Variants in RTL4 observed in about 807,000 individuals in gnomAD.
RTL4 encodes the protein retrotransposon Gag-like protein 4.
In RTL4, 4 loss-of-function variants were observed where a neutral mutation model predicts 5.3. The observed-to-expected ratio is 0.75, with a 90% CI of 0.37 to 1.72. The LOEUF (loss-of-function observed/expected upper bound fraction) is 1.72. RTL4 is among the 40% of genes most tolerant of loss of function. The pLI, the probability that RTL4 is intolerant of heterozygous loss-of-function variation, is 0.04. For synonymous variants in RTL4, 98 were observed against 87.3 expected (o/e 1.12, Z -0.68); for missense variants, 260 against 227.1 (o/e 1.14, Z -0.93).
chrX:112,117,692 A>G, the RTL4 span, among the ~76,000 whole-genome samples: 19,180 of 111,181 alleles, frequency 0.17, 2,583 homozygotes, highest in African/African-American at 0.46. Context: ...GTATTGGCAT[A>G]GGAATGGGGA....
the RTL4 span, among the ~76,000 whole-genome samples, chrX:112,086,919 G>A: frequency 8.9e-6 from 1 of 111,883 alleles, no homozygotes; most frequent in Non-Finnish European, 1.9e-5. Context: ...CTGTAATCAA[G>A]GGATAAAGCC....
the RTL4 span, among the ~76,000 whole-genome samples, chrX:112,172,972 A>T: frequency 2.2e-5 from 2 of 90,872 alleles, no homozygotes; most frequent in African/African-American, 8.2e-5. Flanking sequence ...ACATGGACAC[A>T]TGGAGGGGGA....
chrX:112,162,888 G>C, the RTL4 span, among the ~76,000 whole-genome samples: 1 of 111,732 alleles, frequency 8.9e-6, no homozygotes, highest in East Asian at 2.8e-4. Context: ...TACTATTACT[G>C]TCATACCAGA....
chrX:112,216,402 G>A, the RTL4 span, among the ~76,000 whole-genome samples: 14 of 111,741 alleles, frequency 1.3e-4, no homozygotes, highest in South Asian at 4.9e-3. Flanking sequence ...CATAGAATAC[G>A]TGTATTTTAA....
At chrX:112,381,710 A>G in the RTL4 span, 1 of 1,203,732 alleles carries the variant, frequency 8.3e-7, no homozygotes, top group Admixed American at 2.2e-5. Flanking sequence ...GTTGCAGGCA[A>G]TGAGGGACAT....
the RTL4 span, among the ~76,000 whole-genome samples, chrX:112,393,170 T>TTTTTG: frequency 1.0e-4 from 10 of 99,225 alleles, no homozygotes; most frequent in African/African-American, 4.4e-4. Flanking sequence ...TGTTTTTTTT[T>TTTTTG]TTTGTTTGTT....
At chrX:112,265,506 C>A in the RTL4 span, among the ~76,000 whole-genome samples, 1 of 112,142 alleles carries the variant, frequency 8.9e-6, no homozygotes, top group Admixed American at 9.4e-5. Context: ...CCTTTGAGAT[C>A]TTCAGGGACA....
At chrX:112,188,963 TGG>T in the RTL4 span, among the ~76,000 whole-genome samples, 14 of 111,398 alleles carry the variant, frequency 1.3e-4, no homozygotes, top group Non-Finnish European at 2.1e-4. Flanking sequence ...CCAGGTATCC[TGG>T]GCTCCAGACC....
chrX:112,174,114 A>G, the RTL4 span, among the ~76,000 whole-genome samples: 1 of 101,657 alleles, frequency 9.8e-6, no homozygotes, highest in African/African-American at 3.7e-5. Context: ...AAGTTTTAGG[A>G]TACATGTGCA....
At chrX:112,143,060 C>T in the RTL4 span, among the ~76,000 whole-genome samples, 1 of 111,390 alleles carries the variant, frequency 9.0e-6, no homozygotes, top group Non-Finnish European at 1.9e-5. Context: ...AACTCCTGAC[C>T]TCAAGTGATC....
At chrX:112,362,882 T>C in the RTL4 span, among the ~76,000 whole-genome samples, 2 of 110,997 alleles carry the variant, frequency 1.8e-5, no homozygotes, top group Middle Eastern at 4.7e-3. Flanking sequence ...AGATGGTTAG[T>C]TATCCTGTGA....
At chrX:112,288,259 A>G in the RTL4 span, among the ~76,000 whole-genome samples, 2 of 112,385 alleles carry the variant, frequency 1.8e-5, no homozygotes. Context: ...AGCGTAAGAA[A>G]TTGATTGCCA....
chrX:112,451,653 C>A (rs760270997), upstream of RTL4, among the ~76,000 whole-genome samples: 2 of 111,773 alleles, frequency 1.8e-5, no homozygotes, highest in Non-Finnish European at 3.8e-5. Context: ...ATAACTTGCT[C>A]AGAATCACAC....
the RTL4 span, among the ~76,000 whole-genome samples, chrX:112,310,864 T>C: frequency 1.1e-5 from 1 of 92,064 alleles, no homozygotes; most frequent in East Asian, 3.2e-4. Context: ...TATATATATT[T>C]ACATATATAT....
chrX:112,094,338 C>T, the RTL4 span, among the ~76,000 whole-genome samples: 1 of 110,886 alleles, frequency 9.0e-6, no homozygotes, highest in East Asian at 2.8e-4. Context: ...TACCATTTCA[C>T]TGAAATGGGG....
the RTL4 span, among the ~76,000 whole-genome samples, chrX:112,329,081 A>T: frequency 6.3e-5 from 7 of 110,864 alleles, no homozygotes; most frequent in Non-Finnish European, 1.3e-4. Flanking sequence ...TGACACCCTA[A>T]CATCACAATT....
the RTL4 span, among the ~76,000 whole-genome samples, chrX:112,232,299 C>T: frequency 8.9e-6 from 1 of 111,828 alleles, no homozygotes. Flanking sequence ...CTCTTTGAGC[C>T]TCCATATGTA....
At chrX:112,241,717 A>G in the RTL4 span, among the ~76,000 whole-genome samples, 3 of 111,796 alleles carry the variant, frequency 2.7e-5, no homozygotes, top group African/African-American at 9.8e-5. Context: ...CCATTTGTCA[A>G]TTTTGGCTTC....
the RTL4 span, among the ~76,000 whole-genome samples, chrX:112,130,601 T>A: frequency 1.8e-5 from 2 of 111,089 alleles, no homozygotes; most frequent in African/African-American, 6.6e-5. Flanking sequence ...GATTTAGAAA[T>A]ACTCAGTAAA....
Sources: allele counts gnomAD v4.1 joint callset (sites outside exome capture counted in the v4.1 genomes callset), GRCh38; gene constraint gnomAD v4.1.1; transcripts MANE v1.5; gene names NCBI Gene and HGNC (gene_info 2026-07-23, HGNC 2026-07-21).